The following DAG1 variants were observed in gnomAD, a reference collection of about 807,000 sequenced individuals.
DAG1 encodes dystroglycan 1 (dystrophin-associated glycoprotein 1).
A neutral mutation model predicts 46.1 loss-of-function variants in DAG1; 8 were observed. The ratio of observed to expected loss-of-function variants is 0.17; its 90% CI spans 0.10 to 0.31. DAG1 has a LOEUF of 0.31. DAG1 is among the 10% of genes least tolerant of loss of function. DAG1 has a pLI of 1.00. For missense variants in DAG1, 1,003 were observed against 1,189.9 expected (o/e 0.84, Z 2.31); for synonymous variants, 495 against 481.8 (o/e 1.03, Z -0.36).
At chr3:49,477,010 T>C (rs2049699313) in intron 1 of DAG1, 1 of 152,188 alleles carries the variant, frequency 6.6e-6, no homozygotes, top group African/African-American at 2.4e-5. Context: ...TTTTATTTAT[T>C]TTTTTGAGAC....
At chr3:49,476,837 CT>C (rs1028054354) in intron 1 of DAG1, 2 of 152,066 alleles carry the variant, frequency 1.3e-5, no homozygotes, top group African/African-American at 4.8e-5. Context: ...TTGTTTCCTC[CT>C]TTTCCTGCAG....
intron 1 of DAG1, among the ~76,000 whole-genome samples, chr3:49,496,335 A>G (rs1032130577): frequency 4.1e-5 from 6 of 147,364 alleles, no homozygotes; most frequent in African/African-American, 1.2e-4. Flanking sequence ...GTACTTGGCC[A>G]ATTTTTTAAA....
intron 1 of DAG1, among the ~76,000 whole-genome samples, chr3:49,506,404 C>T (rs1371121997): frequency 2.0e-5 from 3 of 152,132 alleles, no homozygotes; most frequent in Non-Finnish European, 4.4e-5. Flanking sequence ...AGTTTGTCAC[C>T]AGTAAATACA....
intron 2 of DAG1, among the ~76,000 whole-genome samples, chr3:49,515,803 G>T (rs1266454324): frequency 6.6e-6 from 1 of 152,062 alleles, no homozygotes; most frequent in African/African-American, 2.4e-5. Flanking sequence ...GCTACTGCTT[G>T]CTTACTTCTT....
At chr3:49,470,964 G>A (rs1382695528) in intron 1 of DAG1, 2 of 152,250 alleles carry the variant, frequency 1.3e-5, no homozygotes, top group African/African-American at 4.8e-5. Flanking sequence ...GTATTTGGCA[G>A]ACCTGGTTCA....
chr3:49,475,109 GTT>G (rs950530106), intron 1 of DAG1, among the ~76,000 whole-genome samples: 2 of 142,912 alleles, frequency 1.4e-5, no homozygotes, highest in Admixed American at 7.0e-5. Context: ...ACCGTGCCCG[GTT>G]TTTTTTTTTT....
chr3:49,519,582 G>A (rs1301243204), intron 2 of DAG1, among the ~76,000 whole-genome samples: 1 of 152,174 alleles, frequency 6.6e-6, no homozygotes, highest in African/African-American at 2.4e-5. Flanking sequence ...GCCTTGAGTG[G>A]GTGTTCCGCA....
chr3:49,526,208 G>A (rs1402278455), intron 2 of DAG1, among the ~76,000 whole-genome samples: 1 of 152,146 alleles, frequency 6.6e-6, no homozygotes, highest in Non-Finnish European at 1.5e-5. Context: ...CAGCACTAGG[G>A]GGGTGGTACT....
chr3:49,524,711 G>A (rs1377070726), intron 2 of DAG1, among the ~76,000 whole-genome samples: 1 of 152,106 alleles, frequency 6.6e-6, no homozygotes, highest in Non-Finnish European at 1.5e-5. Flanking sequence ...GGCTGGGCAT[G>A]GTGGCCCACA....
intron 2 of DAG1, 89 bp downstream of exon 2, chr3:49,510,908 C>A (rs1280515532): frequency 6.4e-6 from 10 of 1,557,366 alleles, no homozygotes; most frequent in African/African-American, 2.7e-5. Context: ...CTAAGCTTCA[C>A]CAATTCTGAG....
chr3:49,523,324 C>T (rs1026150047), intron 2 of DAG1, among the ~76,000 whole-genome samples: 17 of 152,138 alleles, frequency 1.1e-4, no homozygotes, highest in Non-Finnish European at 7.4e-5. Context: ...ACAATCCTCT[C>T]GCCTTGGCCT....
At chr3:49,490,181 G>A (rs1003344550) in intron 1 of DAG1, among the ~76,000 whole-genome samples, 2 of 151,850 alleles carry the variant, frequency 1.3e-5, no homozygotes, top group African/African-American at 2.4e-5. Context: ...GTGAAACCCC[G>A]TCTCTACTAA....
chr3:49,510,318 C>T, intron 1 of DAG1, 101 bp from the exon 2 acceptor site: 1 of 607,338 alleles, frequency 1.6e-6, no homozygotes, highest in Middle Eastern at 4.4e-4. Flanking sequence ...AGGCTTGATC[C>T]AACTCGGGGT....
At chr3:49,485,041 C>G (rs1422020413) in intron 1 of DAG1, among the ~76,000 whole-genome samples, 2 of 152,160 alleles carry the variant, frequency 1.3e-5, no homozygotes, top group Admixed American at 1.3e-4. Flanking sequence ...GGCTGGAGTG[C>G]AGTAGCTTAA....
Position 49,510,830 on chromosome 3 carries a change from A to T in DAG1, c.285+11A>T. 1 of 1,613,964 alleles carries T rather than the reference A, an allele frequency of 6.2e-7. No individual in the cohort carries two copies. The highest frequency in any genetic ancestry group is 1.1e-5 in the South Asian group (1 of 91,004). On this transcript the variant is annotated intron_variant, in intron 2 of 2. Transcript: ENST00000308775. ...GGAGATATCATCAAGGTGAGACTGGATATAAAGCATAAATGAGGAAGAGTT... is the reference window on the plus strand; with the variant it reads ...GGAGATATCATCAAGGTGAGACTGGTTATAAAGCATAAATGAGGAAGAGTT...
intron 2 of DAG1, among the ~76,000 whole-genome samples, chr3:49,512,853 A>T (rs1444078636): frequency 6.6e-6 from 1 of 151,620 alleles, no homozygotes; most frequent in African/African-American, 2.4e-5. Flanking sequence ...ATAGGGTCTT[A>T]CTCTGTCTGC....
At chr3:49,485,618 A>T (rs2050002443) in intron 1 of DAG1, among the ~76,000 whole-genome samples, 1 of 148,992 alleles carries the variant, frequency 6.7e-6, no homozygotes, top group African/African-American at 2.5e-5. Flanking sequence ...GGTTGCTTAG[A>T]CCTAATGTGG....
chr3:49,476,011 G>A (rs2049674445), intron 1 of DAG1, among the ~76,000 whole-genome samples: 1 of 151,830 alleles, frequency 6.6e-6, no homozygotes, highest in African/African-American at 2.4e-5. Context: ...CACTGCACCC[G>A]GCCATAGCTA....
At chr3:49,505,098 G>A (rs915657388) in intron 1 of DAG1, among the ~76,000 whole-genome samples, 2 of 151,476 alleles carry the variant, frequency 1.3e-5, no homozygotes, top group African/African-American at 2.4e-5. Flanking sequence ...GGGCTCAAGC[G>A]ATCCTCCCAC....
Sources: gnomAD v4.1 joint callset for allele counts (sites outside exome capture counted in the v4.1 genomes callset) on GRCh38, gnomAD v4.1.1 for gene constraint, MANE v1.5 for transcripts, NCBI Gene and HGNC (gene_info 2026-07-23, HGNC 2026-07-21) for gene names.